Variants in HS6ST3 observed in about 807,000 individuals in gnomAD.
HS6ST3 encodes heparan-sulfate 6-O-sulfotransferase 3.
HS6ST3 carries 12 observed loss-of-function variants against 36.7 expected under a neutral mutation model. That is an observed-to-expected ratio of 0.33 (90% CI 0.21 to 0.53). HS6ST3 has a LOEUF of 0.53. Among genes scored for constraint, HS6ST3 ranks in the 20% least tolerant of loss-of-function variants. The pLI is 0.95. For missense variants in HS6ST3, 584 were observed against 640.9 expected, an observed-to-expected ratio of 0.91 and a Z score of 0.96; for synonymous variants, 240 against 257.5, an observed-to-expected ratio of 0.93 and a Z score of 0.65.
chr13:96,437,779 T>C (rs2055650412), intron 1 of HS6ST3, among the ~76,000 whole-genome samples: 1 of 152,256 alleles, frequency 6.6e-6, no homozygotes, highest in Non-Finnish European at 1.5e-5. Context: ...AGAACTGCTA[T>C]TGACAGTTCA....
At chr13:96,596,567 A>G (rs1382463350) in intron 1 of HS6ST3, among the ~76,000 whole-genome samples, 1 of 152,132 alleles carries the variant, frequency 6.6e-6, no homozygotes, top group African/African-American at 2.4e-5. Flanking sequence ...GTACTAATTT[A>G]TGTCACCAGC....
At chr13:96,192,947 A>C (rs2139346741) in intron 1 of HS6ST3, among the ~76,000 whole-genome samples, 1 of 152,256 alleles carries the variant, frequency 6.6e-6, no homozygotes, top group South Asian at 2.1e-4. Flanking sequence ...GAGAAGTATT[A>C]TTGCAGTCAA....
At chr13:96,630,657 A>G (rs980913390) in intron 1 of HS6ST3, among the ~76,000 whole-genome samples, 1 of 151,914 alleles carries the variant, frequency 6.6e-6, no homozygotes, top group South Asian at 2.1e-4. Context: ...ATAGAGAGTC[A>G]GGGTCACAGG....
intron 1 of HS6ST3, among the ~76,000 whole-genome samples, chr13:96,166,513 CTT>C (rs780792230): frequency 6.7e-6 from 1 of 150,216 alleles, no homozygotes; most frequent in Non-Finnish European, 1.5e-5. Context: ...AGTCTATAGT[CTT>C]TTAATATAGT....
intron 1 of HS6ST3, among the ~76,000 whole-genome samples, chr13:96,471,263 T>G (rs961152462): frequency 2.0e-5 from 3 of 152,216 alleles, no homozygotes; most frequent in African/African-American, 7.2e-5. Flanking sequence ...GCCAAATAAC[T>G]ACTAGCTTCT....
chr13:96,115,613 G>A (rs2053890474), intron 1 of HS6ST3, among the ~76,000 whole-genome samples: 2 of 152,176 alleles, frequency 1.3e-5, no homozygotes, highest in African/African-American at 2.4e-5. Context: ...ATTCCATGGT[G>A]TATATGTGTC....
chr13:96,727,039 C>A (rs138315784), intron 1 of HS6ST3, among the ~76,000 whole-genome samples: 40 of 152,234 alleles, frequency 2.6e-4, no homozygotes, highest in Non-Finnish European at 3.8e-4. Context: ...AAGTTTTATA[C>A]CCACTTCTTT....
At chr13:96,400,288 GACAC>G (rs956274298) in intron 1 of HS6ST3, among the ~76,000 whole-genome samples, 12 of 136,648 alleles carry the variant, frequency 8.8e-5, no homozygotes, top group Non-Finnish European at 1.6e-4. Context: ...CACACATATA[GACAC>G]ACACAGACAC....
chr13:96,531,126 C>T (rs1594800919), intron 1 of HS6ST3, among the ~76,000 whole-genome samples: 4 of 152,134 alleles, frequency 2.6e-5, no homozygotes, highest in East Asian at 3.9e-4. Flanking sequence ...TCTCTCTACA[C>T]ACTCTCCTTT....
At chr13:96,481,055 C>T (rs1212056260) in intron 1 of HS6ST3, among the ~76,000 whole-genome samples, 1 of 152,052 alleles carries the variant, frequency 6.6e-6, no homozygotes, top group East Asian at 1.9e-4. Flanking sequence ...TATTTCATAA[C>T]CTGGGATTTG....
At chr13:96,250,180 C>G (rs1212715979) in intron 1 of HS6ST3, among the ~76,000 whole-genome samples, 2 of 152,074 alleles carry the variant, frequency 1.3e-5, no homozygotes, top group African/African-American at 4.8e-5. Context: ...ACAGTCTGCA[C>G]AGGATGAAAA....
chr13:96,330,261 C>T (rs1185950344), intron 1 of HS6ST3, among the ~76,000 whole-genome samples: 1 of 151,728 alleles, frequency 6.6e-6, no homozygotes, highest in Non-Finnish European at 1.5e-5. Flanking sequence ...TTAGTTGATG[C>T]AGTTTCTTCC....
intron 1 of HS6ST3, among the ~76,000 whole-genome samples, chr13:96,748,949 T>C (rs1801047012): frequency 6.6e-6 from 1 of 152,142 alleles, no homozygotes; most frequent in Admixed American, 6.6e-5. Flanking sequence ...CCCCTGCCCT[T>C]CCTATTATAC....
At chr13:96,620,988 T>C (rs958788325) in intron 1 of HS6ST3, among the ~76,000 whole-genome samples, 2 of 152,196 alleles carry the variant, frequency 1.3e-5, no homozygotes, top group Non-Finnish European at 2.9e-5. Context: ...GTCCTAGACC[T>C]GGGAGGCAGC....
chr13:96,444,081 T>C (rs2055686706), intron 1 of HS6ST3, among the ~76,000 whole-genome samples: 1 of 152,202 alleles, frequency 6.6e-6, no homozygotes, highest in African/African-American at 2.4e-5. Flanking sequence ...AGCTGAGAGA[T>C]GGCAGGGATG....
chr13:96,373,742 G>T (rs2139442453), intron 1 of HS6ST3, among the ~76,000 whole-genome samples: 1 of 152,194 alleles, frequency 6.6e-6, no homozygotes, highest in African/African-American at 2.4e-5. Context: ...TTCAATCATG[G>T]CTGCTCTCAT....
chr13:96,574,488 C>A, intron 1 of HS6ST3: 1 of 430,844 alleles, frequency 2.3e-6, no homozygotes, highest in South Asian at 3.0e-5. Flanking sequence ...GCCCCGCCCC[C>A]TACAATCATT....
At chr13:96,818,340 G>T (rs535760881) in intron 1 of HS6ST3, among the ~76,000 whole-genome samples, 173 of 152,348 alleles carry the variant, frequency 1.1e-3, no homozygotes, top group Admixed American at 4.8e-3. Context: ...GCTTCTGGAA[G>T]AAACTCATGC....
chr13:96,775,028 C>G (rs576687314), intron 1 of HS6ST3, among the ~76,000 whole-genome samples: 1 of 152,098 alleles, frequency 6.6e-6, no homozygotes, highest in Non-Finnish European at 1.5e-5. Flanking sequence ...GGCCAATATT[C>G]AACATTCTTA....
Sources: gnomAD v4.1 joint callset for allele counts (sites outside exome capture counted in the v4.1 genomes callset) on GRCh38, gnomAD v4.1.1 for gene constraint, MANE v1.5 for transcripts, NCBI Gene and HGNC (gene_info 2026-07-23, HGNC 2026-07-21) for gene names.